Variants in TMEM132C observed in about 807,000 individuals in gnomAD.
The protein encoded by TMEM132C is protein phosphatase 1, regulatory subunit 152.
A neutral mutation model predicts 61.4 loss-of-function variants in TMEM132C; 29 were observed. The ratio of observed to expected loss-of-function variants is 0.47; its 90% confidence interval spans 0.35 to 0.64. The LOEUF is 0.64. TMEM132C is among the 30% of genes least tolerant of loss of function. TMEM132C has a pLI of 0.00. For missense variants in TMEM132C, 1,408 were observed against 1,476.9 expected (o/e 0.95, Z 0.76); for synonymous variants, 656 against 633.1 (o/e 1.04, Z -0.54).
intron 2 of TMEM132C, among the ~76,000 whole-genome samples, chr12:128,445,625 G>C (rs1869955799): frequency 6.6e-6 from 1 of 152,180 alleles, no homozygotes; most frequent in Non-Finnish European, 1.5e-5. Context: ...TCTCTGCTGA[G>C]CACCCAGGCG....
intron 2 of TMEM132C, among the ~76,000 whole-genome samples, chr12:128,478,915 C>A (rs75603481): frequency 0.086 from 13,075 of 152,250 alleles, 671 homozygotes; most frequent in Middle Eastern, 0.14. Context: ...GCATTTGCGA[C>A]TTTTCATAAT....
intron 4 of TMEM132C, among the ~76,000 whole-genome samples, chr12:128,627,104 C>G (rs1022644303): frequency 2.6e-5 from 4 of 152,184 alleles, no homozygotes; most frequent in Admixed American, 1.3e-4. Flanking sequence ...ATTAAGGACT[C>G]CTTGCCCACC....
intron 4 of TMEM132C, among the ~76,000 whole-genome samples, chr12:128,652,026 C>T (rs1288607367): frequency 6.6e-6 from 1 of 152,174 alleles, no homozygotes; most frequent in Admixed American, 6.5e-5. Context: ...GCAGTTAGCA[C>T]CCTTCTCCAC....
intron 1 of TMEM132C, among the ~76,000 whole-genome samples, chr12:128,342,283 A>G (rs1872999602): frequency 1.3e-5 from 2 of 152,164 alleles, no homozygotes; most frequent in Admixed American, 6.5e-5. Flanking sequence ...CTGGGATTAC[A>G]GATGTGAGCC....
intron 2 of TMEM132C, among the ~76,000 whole-genome samples, chr12:128,496,490 C>A (rs2136104965): frequency 6.6e-6 from 1 of 152,274 alleles, no homozygotes; most frequent in East Asian, 1.9e-4. Context: ...TAGATTTGGT[C>A]TTTTCACATA....
chr12:128,557,293 C>A (rs1488528919), intron 3 of TMEM132C, among the ~76,000 whole-genome samples: 1 of 152,238 alleles, frequency 6.6e-6, no homozygotes, highest in African/African-American at 2.4e-5. Context: ...TCATTCCCAT[C>A]ATAGTCTGAC....
intron 1 of TMEM132C, among the ~76,000 whole-genome samples, chr12:128,289,880 A>C (rs1044852765): frequency 1.3e-5 from 2 of 152,228 alleles, no homozygotes; most frequent in Admixed American, 6.5e-5. Context: ...TAGCATGTTT[A>C]AAGGTCCTAT....
At chr12:128,372,770 C>T (rs763169016) in intron 1 of TMEM132C, among the ~76,000 whole-genome samples, 2 of 152,240 alleles carry the variant, frequency 1.3e-5, no homozygotes, top group East Asian at 3.9e-4. Context: ...TTGTATACAA[C>T]CCCCGAGATT....
At chr12:128,438,796 A>G (rs544264433) in intron 2 of TMEM132C, 1 of 152,220 alleles carries the variant, frequency 6.6e-6, no homozygotes, top group South Asian at 2.1e-4. Context: ...GAAGCCACCA[A>G]TCTGCTTTCT....
At chr12:128,416,925 T>A (rs1472938245) in intron 2 of TMEM132C, among the ~76,000 whole-genome samples, 1 of 152,216 alleles carries the variant, frequency 6.6e-6, no homozygotes, top group Non-Finnish European at 1.5e-5. Flanking sequence ...GTACAAGGGA[T>A]TCTCATTGCA....
intron 2 of TMEM132C, among the ~76,000 whole-genome samples, chr12:128,429,513 C>A (rs2136036727): frequency 6.6e-6 from 1 of 152,306 alleles, no homozygotes; most frequent in South Asian, 2.1e-4. Context: ...GGGAACCTGG[C>A]AGCCTTTCCT....
intron 1 of TMEM132C, among the ~76,000 whole-genome samples, chr12:128,383,338 A>G (rs1346600389): frequency 2.0e-5 from 3 of 152,144 alleles, no homozygotes; most frequent in African/African-American, 7.2e-5. Flanking sequence ...GCAATGGCCA[A>G]CCGCCCGTTG....
intron 5 of TMEM132C, among the ~76,000 whole-genome samples, chr12:128,684,009 A>AATAAATAAATAT (rs1954655765): frequency 7.0e-6 from 1 of 142,380 alleles, no homozygotes; most frequent in African/African-American, 2.6e-5. Context: ...TAAATAAATA[A>AATAAATAAATAT]ATGTTGGTGC....
intron 5 of TMEM132C, among the ~76,000 whole-genome samples, chr12:128,681,287 C>A (rs1223708222): frequency 1.3e-5 from 2 of 152,048 alleles, no homozygotes; most frequent in African/African-American, 4.8e-5. Context: ...GCCTGTTTTT[C>A]ATTTTTATAA....
chr12:128,351,221 G>A (rs1478213295), intron 1 of TMEM132C, among the ~76,000 whole-genome samples: 2 of 152,214 alleles, frequency 1.3e-5, no homozygotes, highest in South Asian at 2.1e-4. Flanking sequence ...GGAGTGATAT[G>A]ACCTGGTTCA....
chr12:128,543,816 G>T, intron 2 of TMEM132C, 141 bp from the exon 3 acceptor site: 1 of 1,126,580 alleles, frequency 8.9e-7, no homozygotes, highest in South Asian at 1.8e-5. Flanking sequence ...ACCACCACTG[G>T]GCAGCTTTGC....
At chr12:128,663,454 G>A (rs1372764439) in intron 4 of TMEM132C, among the ~76,000 whole-genome samples, 1 of 152,216 alleles carries the variant, frequency 6.6e-6, no homozygotes, top group African/African-American at 2.4e-5. Context: ...TTGTGTGGAT[G>A]TAATACATTT....
At chr12:128,357,539 A>G (rs1873549108) in intron 1 of TMEM132C, among the ~76,000 whole-genome samples, 1 of 152,022 alleles carries the variant, frequency 6.6e-6, no homozygotes, top group African/African-American at 2.4e-5. Context: ...TACTAAAAAT[A>G]CAAAAATTAG....
At chr12:128,455,377 G>T (rs914111475) in intron 2 of TMEM132C, among the ~76,000 whole-genome samples, 1 of 152,208 alleles carries the variant, frequency 6.6e-6, no homozygotes, top group Non-Finnish European at 1.5e-5. Flanking sequence ...GCAAGTGCAT[G>T]CTTTGCAGCC....
Sources: allele counts gnomAD v4.1 joint callset (sites outside exome capture counted in the v4.1 genomes callset), GRCh38; gene constraint gnomAD v4.1.1; transcripts MANE v1.5; gene names NCBI Gene and HGNC (gene_info 2026-07-23, HGNC 2026-07-21).